Variants in ATF7 observed in about 807,000 individuals in gnomAD.
The protein encoded by ATF7 is activating transcription factor 7, also known as cyclic AMP-dependent transcription factor ATF-7.
Under a neutral mutation model 50.4 loss-of-function variants are expected in ATF7, and 10 were observed. The ratio of observed to expected loss-of-function variants is 0.20; its 90% confidence interval spans 0.12 to 0.34. The LOEUF is 0.34. Among genes scored for constraint, ATF7 ranks in the 10% least tolerant of loss-of-function variants. ATF7 has a pLI of 1.00. For synonymous variants in ATF7, 201 were observed against 226.4 expected (o/e 0.89, Z 1.01); for missense variants, 465 against 613.9 (o/e 0.76, Z 2.56).
intron 2 of ATF7, among the ~76,000 whole-genome samples, chr12:53,598,739 A>G (rs552595471): frequency 3.9e-4 from 60 of 152,228 alleles, no homozygotes; most frequent in Non-Finnish European, 7.9e-4. Flanking sequence ...TCTTCCTCAG[A>G]GAGCTTAAGA....
intron 2 of ATF7, among the ~76,000 whole-genome samples, chr12:53,563,145 C>T (rs909106432): frequency 4.6e-5 from 7 of 152,194 alleles, no homozygotes; most frequent in Admixed American, 4.6e-4. Flanking sequence ...TACTGGAATA[C>T]TACCATTTTT....
chr12:53,610,590 A>G (rs1445208630), intron 1 of ATF7, among the ~76,000 whole-genome samples: 1 of 151,872 alleles, frequency 6.6e-6, no homozygotes, highest in African/African-American at 2.4e-5. Context: ...AAAAGGTACA[A>G]GAATGGACAC....
intron 2 of ATF7, among the ~76,000 whole-genome samples, chr12:53,596,295 C>T (rs1312922762): frequency 6.6e-6 from 1 of 152,080 alleles, no homozygotes; most frequent in Non-Finnish European, 1.5e-5. Context: ...AGCGAAACTC[C>T]ATCTCACAAA....
At chr12:53,570,729 CTG>C (rs1278665964) in intron 2 of ATF7, among the ~76,000 whole-genome samples, 11 of 114,206 alleles carry the variant, frequency 9.6e-5, no homozygotes, top group Admixed American at 1.1e-4. Context: ...TAGTGTTCTC[CTG>C]TGTGCGTGTG....
At chr12:53,541,076 CAT>C (rs1177268561) in intron 4 of ATF7, among the ~76,000 whole-genome samples, 1 of 152,128 alleles carries the variant, frequency 6.6e-6, no homozygotes, top group African/African-American at 2.4e-5. Context: ...AAAAGAAACT[CAT>C]AGAAATCTAT....
intron 2 of ATF7, among the ~76,000 whole-genome samples, chr12:53,558,787 G>A (rs565723407): frequency 6.6e-6 from 1 of 152,314 alleles, no homozygotes; most frequent in South Asian, 2.1e-4. Context: ...AGGACTATGA[G>A]GAAGTCAATC....
chr12:53,534,119 T>A (rs940677264), intron 6 of ATF7, among the ~76,000 whole-genome samples: 4 of 151,938 alleles, frequency 2.6e-5, no homozygotes, highest in Non-Finnish European at 4.4e-5. Flanking sequence ...CTACTAAAAA[T>A]ACAAAAAATT....
intron 1 of ATF7, among the ~76,000 whole-genome samples, chr12:53,607,946 G>A (rs1036731969): frequency 1.3e-4 from 20 of 152,046 alleles, no homozygotes; most frequent in African/African-American, 4.6e-4. Context: ...TTGGCCAGGC[G>A]CAGTGGCTCA....
intron 2 of ATF7, among the ~76,000 whole-genome samples, chr12:53,577,839 A>G (rs956505215): frequency 6.6e-6 from 1 of 152,166 alleles, no homozygotes; most frequent in East Asian, 1.9e-4. Flanking sequence ...ACACCACACC[A>G]TAAGAACAAT....
rs1237223273 is a variant in ATF7 at position 53,625,170 on chromosome 12, A to G, written c.-22+1109T>C. ...CCTGGGTTGTAAACACCCCAGTCAG[A>G]GAACATAACAAGCAATTCAGAGCAA... On this transcript the variant is annotated intron_variant, in intron 1 of 11. Coordinates refer to ENST00000420353, the MANE Select transcript of ATF7 (RefSeq NM_006856.3). 3.3e-5 allele frequency among the ~76,000 whole-genome samples: 5 copies of G among 152,206 alleles called. 1 individual carries two copies. The highest frequency in any genetic ancestry group is 1.2e-4 in the African/African-American group (5 of 41,456).
downstream of ATF7, among the ~76,000 whole-genome samples, chr12:53,510,759 C>G (rs1039988987): frequency 1.3e-5 from 2 of 152,226 alleles, no homozygotes; most frequent in African/African-American, 4.8e-5. Flanking sequence ...AGCTGGCTTC[C>G]TGTGTCCAGG....
intron 2 of ATF7, among the ~76,000 whole-genome samples, chr12:53,581,111 CA>C (rs111501520): frequency 0.079 from 10,774 of 137,074 alleles, 570 homozygotes; most frequent in East Asian, 0.23. Flanking sequence ...GATTCCATCT[CA>C]AAAAAAAAAA....
rs564383989 is a variant in ATF7 at position 53,588,022 on chromosome 12, G to A, written c.48+12931C>T. On this transcript the variant is annotated intron_variant, in intron 2 of 11. Coordinates refer to ENST00000420353, the MANE Select transcript of ATF7 (RefSeq NM_006856.3). The stretch of plus-strand genomic sequence containing the variant: ...CTGCCACCACCCCCAGCTAATTTTT[G>A]TAGTTTTAGTAGAGACAGGGTTTCA... 9.9e-5 allele frequency among the ~76,000 whole-genome samples: 15 copies of A among 151,456 alleles called. No individual in the cohort carries two copies. In the East Asian group the frequency reaches 2.9e-3, roughly 29 times the overall value.
chr12:53,532,546 A>T lies in ATF7; in HGVS notation c.738T>A (p.Ser246=), dbSNP rs1188220486. 1 of 1,606,622 alleles carries T rather than the reference A, an allele frequency of 6.2e-7. No homozygotes were observed. The highest frequency in any genetic ancestry group is 8.5e-7 in the Non-Finnish European group (1 of 1,176,814). The change falls in exon 8 of 12, where the codon TCT becomes TCA. Residue 246 remains serine (S), a synonymous_variant. Transcript: ENST00000420353. ...GPPVNSSGSI[S]PSGHPIPSEA... is the part of the protein sequence containing the mutation. The stretch of plus-strand genomic sequence containing the variant: ...CTGATGGTATAGGGTGGCCAGAGGG[A>T]GAAATGGAGCCACTACTGTTAACTG...
intron 1 of ATF7, among the ~76,000 whole-genome samples, chr12:53,612,333 C>A (rs1302652091): frequency 6.6e-6 from 1 of 152,018 alleles, no homozygotes; most frequent in Non-Finnish European, 1.5e-5. Flanking sequence ...GTCACCCAGG[C>A]TGGAGTGCAG....
chr12:53,602,567 A>G (rs548709582), intron 1 of ATF7, among the ~76,000 whole-genome samples: 1 of 152,356 alleles, frequency 6.6e-6, no homozygotes, highest in East Asian at 1.9e-4. Context: ...TGATAGAAAC[A>G]TGGTCTAACT....
Position 53,517,077 on chromosome 12 carries a change from ATC to A in ATF7, c.*58_*59del. The stretch of plus-strand genomic sequence containing the variant: ...GGCAGATGGGAGGGGATAAGATGAC[ATC>A]TCTCTTGGCTCTTGGGCGGGCGAGC... On this transcript the variant is annotated 3_prime_UTR_variant, in exon 12 of 12. Transcript: ENST00000420353. The A allele has an allele frequency of 6.4e-7, 1 of 1,562,566 alleles. No individual in the cohort carries two copies.
chr12:53,573,351 T>C (rs1941877636), intron 2 of ATF7, among the ~76,000 whole-genome samples: 1 of 152,208 alleles, frequency 6.6e-6, no homozygotes, highest in African/African-American at 2.4e-5. Context: ...AAGTCCCTGA[T>C]ATAAAATGGT....
intron 2 of ATF7, among the ~76,000 whole-genome samples, chr12:53,598,025 A>C (rs1359086796): frequency 6.6e-6 from 1 of 152,174 alleles, no homozygotes; most frequent in African/African-American, 2.4e-5. Flanking sequence ...TCAATGACAA[A>C]TGGATTACAA....
Sources: allele counts gnomAD v4.1 joint callset (sites outside exome capture counted in the v4.1 genomes callset), GRCh38; gene constraint gnomAD v4.1.1; transcripts MANE v1.5; gene names NCBI Gene and HGNC (gene_info 2026-07-23, HGNC 2026-07-21).